Variants in OIT3 observed in about 807,000 individuals in gnomAD.
OIT3 encodes the protein oncoprotein induced transcript 3.
In OIT3, 41 loss-of-function variants were observed where a neutral mutation model predicts 52.2. The observed-to-expected ratio is 0.79, with a 90% confidence interval of 0.61 to 1.02. The LOEUF (loss-of-function observed/expected upper bound fraction) is 1.02, where lower values mean the gene tolerates loss of function less well. OIT3 is among the 50% of genes least tolerant of loss of function. The probability of loss-of-function intolerance (pLI) is 0.00; values close to 1 mark genes in which losing one functional copy is unlikely to be tolerated. For missense variants in OIT3, 634 were observed against 715.5 expected (o/e 0.89, Z 1.30); for synonymous variants, 244 against 276.9 (o/e 0.88, Z 1.18).
At chr10:72,894,259 G>A (rs1033646139) in intron 1 of OIT3, among the ~76,000 whole-genome samples, 1 of 152,120 alleles carries the variant, frequency 6.6e-6, no homozygotes, top group East Asian at 1.9e-4. Context: ...GTTGCCATGG[G>A]GGGCACAGAT....
intron 6 of OIT3, among the ~76,000 whole-genome samples, chr10:72,922,383 A>G (rs545129011): frequency 2.6e-5 from 4 of 151,494 alleles, no homozygotes. Flanking sequence ...ATTCCTTTTT[A>G]TTCCTTTTTC....
intron 2 of OIT3, among the ~76,000 whole-genome samples, chr10:72,900,134 C>T (rs958446794): frequency 1.3e-4 from 20 of 152,076 alleles, no homozygotes; most frequent in Non-Finnish European, 2.9e-4. Context: ...GGAAACTCAT[C>T]CCCCAGGCTG....
At chr10:72,930,403 C>T (rs895849554) in intron 7 of OIT3, 135 bp from the exon 8 acceptor site, 1 of 689,814 alleles carries the variant, frequency 1.4e-6, no homozygotes, top group Non-Finnish European at 2.6e-6. Flanking sequence ...ATTTTTCTTT[C>T]ATTCCCAAAA....
chr10:72,899,038 C>T lies in OIT3; in HGVS notation c.436C>T (p.His146Tyr), dbSNP rs535158135. ...CGTCTGCTTCCACGTCTACTGTGGT[C>T]GTGAGTACCTTCCCTGTGCTCTTTT... ...PSVCFHVYCGHFYDICDEDCH... is the reference protein window; with the variant it reads ...PSVCFHVYCGYFYDICDEDCH... The change falls in exon 2 of 9, where the codon CAT becomes TAT. Residue 146 changes from histidine (H) to tyrosine (Y), a missense_variant and splice_region_variant. Physicochemically the swap from His to Tyr is moderately conservative, Grantham distance 83. Transcript: ENST00000334011. The T allele has an allele frequency of 5.0e-6, 8 of 1,598,746 alleles. No homozygotes were observed. Among genetic ancestry groups the T allele is most frequent in the Non-Finnish European group, 6.0e-6 (7 of 1,169,934 alleles).
At chr10:72,910,347 T>C (rs1846018943) in intron 4 of OIT3, among the ~76,000 whole-genome samples, 1 of 152,194 alleles carries the variant, frequency 6.6e-6, no homozygotes, top group South Asian at 2.1e-4. Flanking sequence ...TGTGCTTTTA[T>C]CCTTTAAAAA....
At chr10:72,924,980 A>G (rs570591933) in intron 7 of OIT3, among the ~76,000 whole-genome samples, 4 of 152,088 alleles carry the variant, frequency 2.6e-5, no homozygotes, top group African/African-American at 7.2e-5. Context: ...GTGTGGTGGC[A>G]GGCACCTGTA....
At chr10:72,922,002 A>G (rs1846126061) in intron 6 of OIT3, among the ~76,000 whole-genome samples, 1 of 152,060 alleles carries the variant, frequency 6.6e-6, no homozygotes, top group Non-Finnish European at 1.5e-5. Flanking sequence ...GGAATGTTGA[A>G]TATTGGCCCC....
intron 4 of OIT3, 91 bp from the exon 5 acceptor site, chr10:72,911,626 T>C (rs1198301972): frequency 2.5e-5 from 34 of 1,377,324 alleles, no homozygotes; most frequent in Non-Finnish European, 3.4e-5. Flanking sequence ...GATGCTGCCA[T>C]AAGTTAAGTA....
At chr10:72,912,208 A>T (rs1403070948) in intron 5 of OIT3, among the ~76,000 whole-genome samples, 1 of 151,440 alleles carries the variant, frequency 6.6e-6, no homozygotes, top group Non-Finnish European at 1.5e-5. Context: ...TTCTCCCTAC[A>T]CTTAGGATAT....
At chr10:72,912,272 C>CTTTTTTTTTTT (rs749814581) in intron 5 of OIT3, among the ~76,000 whole-genome samples, 5 of 125,846 alleles carry the variant, frequency 4.0e-5, no homozygotes, top group African/African-American at 1.6e-4. Flanking sequence ...TCTTTTTTTT[C>CTTTTTTTTTTT]TTTTTTTTTT....
intron 6 of OIT3, among the ~76,000 whole-genome samples, chr10:72,923,149 T>C (rs546937132): frequency 6.6e-6 from 1 of 152,304 alleles, no homozygotes; most frequent in East Asian, 1.9e-4. Context: ...AGTGCTGGGA[T>C]TACAGGTGTG....
At chr10:72,918,735 G>A (rs563181566) in intron 6 of OIT3, among the ~76,000 whole-genome samples, 13 of 151,964 alleles carry the variant, frequency 8.6e-5, no homozygotes, top group African/African-American at 1.2e-4. Context: ...TCCCAGCACC[G>A]TTTCCTCATT....
intron 6 of OIT3, chr10:72,918,644 T>G (rs1381986041): frequency 1.6e-6 from 1 of 640,574 alleles, no homozygotes; most frequent in Non-Finnish European, 2.8e-6. Flanking sequence ...ACTTAAGTTT[T>G]TAACCCATCT....
At chr10:72,894,460 G>A (rs1258487284) in intron 1 of OIT3, among the ~76,000 whole-genome samples, 1 of 152,132 alleles carries the variant, frequency 6.6e-6, no homozygotes, top group Non-Finnish European at 1.5e-5. Flanking sequence ...AGTACTAACT[G>A]GAACAGAGGG....
intron 7 of OIT3, among the ~76,000 whole-genome samples, chr10:72,925,712 A>C (rs1268505876): frequency 2.6e-5 from 4 of 152,172 alleles, no homozygotes; most frequent in Non-Finnish European, 5.9e-5. Context: ...CTCAGGCTCA[A>C]GTGATCTTCC....
chr10:72,910,074 A>G (rs1846016532), intron 4 of OIT3, among the ~76,000 whole-genome samples: 1 of 152,208 alleles, frequency 6.6e-6, no homozygotes. Flanking sequence ...TGAGAGACTT[A>G]AATATTTTAA....
intron 5 of OIT3, 145 bp downstream of exon 5, chr10:72,911,984 C>T (rs1190041267): frequency 1.6e-6 from 1 of 625,746 alleles, no homozygotes; most frequent in Non-Finnish European, 2.6e-6. Flanking sequence ...GCTGAATCAT[C>T]ACTCTGGAAT....
intron 8 of OIT3, among the ~76,000 whole-genome samples, chr10:72,930,997 C>T (rs978564682): frequency 3.9e-5 from 6 of 152,042 alleles, no homozygotes; most frequent in Non-Finnish European, 5.9e-5. Flanking sequence ...ACAGAAAAGA[C>T]AAATAGTGAA....
rs762297629 is a variant in OIT3, at chr10:72,906,675, T to TAGCA, written c.624_625insAGCA (p.Gly209SerfsTer10). The TAGCA allele has an allele frequency of 6.2e-7, 1 of 1,611,004 alleles. No individual in the cohort carries two copies. The highest frequency in any genetic ancestry group is 1.3e-5 in the African/African-American group (1 of 74,758). ...TCAAAAACTCCTACCGCTGTGAGTGTGGGGTTGGCCGTGTGCTAAGAAGTG... is the reference window on the plus strand; with the variant it reads ...TCAAAAACTCCTACCGCTGTGAGTGTAGCAGGGGTTGGCCGTGTGCTAAGAAGTG... On this transcript the variant is annotated frameshift_variant, in exon 4 of 9. Transcript: ENST00000334011. LOFTEE classifies it high-confidence loss of function.
Sources: allele counts gnomAD v4.1 joint callset (sites outside exome capture counted in the v4.1 genomes callset), GRCh38; gene constraint gnomAD v4.1.1; transcripts MANE v1.5; gene names NCBI Gene and HGNC (gene_info 2026-07-23, HGNC 2026-07-21).